The following KIRREL3 variants were observed in gnomAD, a reference collection of about 807,000 sequenced individuals.
KIRREL3 encodes kin of IRRE-like protein 3.
A neutral mutation model predicts 89.7 loss-of-function variants in KIRREL3; 36 were observed. The observed-to-expected ratio is 0.40, with a 90% CI of 0.31 to 0.53. The LOEUF (loss-of-function observed/expected upper bound fraction) is 0.53. Among genes scored for constraint, KIRREL3 ranks in the 20% least tolerant of loss-of-function variants. KIRREL3 has a pLI of 0.49. For missense variants in KIRREL3, 864 were observed against 1,056.6 expected, an observed-to-expected ratio of 0.82 and a Z score of 2.53; for synonymous variants, 445 against 441.4, an observed-to-expected ratio of 1.01 and a Z score of -0.10.
chr11:126,881,736 T>A (rs4589312), intron 1 of KIRREL3, among the ~76,000 whole-genome samples: 2 of 151,758 alleles, frequency 1.3e-5, no homozygotes, highest in Non-Finnish European at 2.9e-5. Context: ...TTAGTAGAGA[T>A]GGGGTTTCAC....
At chr11:126,884,335 T>C (rs1027832348) in intron 1 of KIRREL3, among the ~76,000 whole-genome samples, 7 of 152,202 alleles carry the variant, frequency 4.6e-5, no homozygotes, top group African/African-American at 1.4e-4. Flanking sequence ...TCGATGGGCC[T>C]CCCTAAGCCC....
chr11:126,969,237 C>G lies in KIRREL3; in HGVS notation c.55+31218G>C, dbSNP rs556209869. The stretch of plus-strand genomic sequence containing the variant: ...AGGGGCGATTCACTCCATTTACTGA[C>G]ACAATAGACATGGAGTGCCTCCCAT... On this transcript the variant is annotated intron_variant, in intron 1 of 16. Transcript: ENST00000525144. The surrounding 1 kb of genome is among the most constrained non-coding windows in gnomAD (Gnocchi z 4.9). 6.6e-6 allele frequency among the ~76,000 whole-genome samples: 1 copy of G among 152,238 alleles called. No homozygotes were observed. Among genetic ancestry groups the G allele is most frequent in the South Asian group, 2.1e-4 (1 of 4,826 alleles).
intron 1 of KIRREL3, among the ~76,000 whole-genome samples, chr11:126,591,194 C>G (rs1339152189): frequency 6.6e-6 from 1 of 152,154 alleles, no homozygotes; most frequent in East Asian, 1.9e-4. Context: ...CCACTGTACT[C>G]CAGCCTGGGT....
intron 1 of KIRREL3, among the ~76,000 whole-genome samples, chr11:126,679,081 G>A (rs1215850474): frequency 2.0e-5 from 3 of 152,198 alleles, no homozygotes; most frequent in Non-Finnish European, 4.4e-5. Flanking sequence ...GTCACATTAT[G>A]AGAACTTGCT....
chr11:126,672,485 T>A (rs993988319), intron 1 of KIRREL3, among the ~76,000 whole-genome samples: 2 of 152,190 alleles, frequency 1.3e-5, no homozygotes, highest in Admixed American at 6.5e-5. Context: ...AAAAAACATA[T>A]TGAATGATTC....
At position 126,946,266 on chromosome 11, in the gene KIRREL3, C is replaced by T. The variant is rs1461634102; in HGVS notation, c.55+54189G>A. On this transcript the variant is annotated intron_variant, in intron 1 of 16. Coordinates refer to ENST00000525144, the MANE Select transcript of KIRREL3 (RefSeq NM_032531.4). The surrounding 1 kb of genome is among the most constrained non-coding windows in gnomAD (Gnocchi z 4.1). ...AAATGAGTGGTCATGCCCCAGACTGCGGCCTCCAGACTCTGCTACTAGCCA... is the reference window on the plus strand; with the variant it reads ...AAATGAGTGGTCATGCCCCAGACTGTGGCCTCCAGACTCTGCTACTAGCCA... Among the ~76,000 whole-genome samples, 3 of 152,154 alleles carry T rather than the reference C, an allele frequency of 2.0e-5. No individual in the cohort carries two copies. The highest frequency in any genetic ancestry group is 2.4e-5 in the African/African-American group (1 of 41,434).
rs1473662964 is a variant in KIRREL3 at position 126,748,599 on chromosome 11, G to T, written c.56-185687C>A. On this transcript the variant is annotated intron_variant, in intron 1 of 16. Coordinates refer to ENST00000525144, the MANE Select transcript of KIRREL3 (RefSeq NM_032531.4). This position sits in a 1 kb window ranked among gnomAD's most constrained non-coding sequence, Gnocchi z 4.6. ...GGGCGGGGCAGGAAGGGAGGGAATCGTGTGCTGTGGCAGGAAAGAAGAGGC... is the reference window on the plus strand; with the variant it reads ...GGGCGGGGCAGGAAGGGAGGGAATCTTGTGCTGTGGCAGGAAAGAAGAGGC... Among the ~76,000 whole-genome samples the T allele has an allele frequency of 6.6e-6, 1 of 152,110 alleles. No homozygotes were observed. Among genetic ancestry groups the T allele is most frequent in the Non-Finnish European group, 1.5e-5 (1 of 68,026 alleles).
chr11:126,781,993 T>C (rs1408025704), intron 1 of KIRREL3, among the ~76,000 whole-genome samples: 3 of 152,204 alleles, frequency 2.0e-5, no homozygotes, highest in African/African-American at 7.2e-5. Flanking sequence ...AGTTAAGATT[T>C]TAAATAAAAA....
rs1013767372 is a variant in KIRREL3 at position 126,594,118 on chromosome 11, C to T, written c.56-31206G>A. The stretch of plus-strand genomic sequence containing the variant: ...CACAGTGTATCCTCCTCCCATCCTC[C>T]ACCCCTCCCTCCTGGTCACAGGTTC... On this transcript the variant is annotated intron_variant, in intron 1 of 16. Coordinates refer to ENST00000525144, the MANE Select transcript of KIRREL3 (RefSeq NM_032531.4). This position sits in a 1 kb window ranked among gnomAD's most constrained non-coding sequence, Gnocchi z 5.0. 1.3e-4 allele frequency among the ~76,000 whole-genome samples: 20 copies of T among 152,182 alleles called. No homozygotes were observed. Among genetic ancestry groups the T allele is most frequent in the South Asian group, 4.1e-4 (2 of 4,824 alleles).
At chr11:126,603,651 G>A (rs944599627) in intron 1 of KIRREL3, among the ~76,000 whole-genome samples, 4 of 152,252 alleles carry the variant, frequency 2.6e-5, no homozygotes, top group Non-Finnish European at 5.9e-5. Flanking sequence ...AGTGCCCAGC[G>A]CTGCTGCATC....
chr11:126,947,538 C>T (rs1014576363), intron 1 of KIRREL3, among the ~76,000 whole-genome samples: 6 of 152,146 alleles, frequency 3.9e-5, no homozygotes, highest in South Asian at 4.1e-4. Context: ...GATTTGACAG[C>T]GTAGCTAAAA....
In KIRREL3 at chr11:126,867,340, G is replaced by A. The variant is rs1203662845; in HGVS notation, c.55+133115C>T. Among the ~76,000 whole-genome samples, 2 of 151,956 alleles carry A rather than the reference G, an allele frequency of 1.3e-5. No homozygotes were observed. Among genetic ancestry groups the A allele is most frequent in the Non-Finnish European group, 2.9e-5 (2 of 67,964 alleles). ...TACCTGCACTCCAATGGGTCCAGGT[G>A]CCTCGAGGTTCTACACACGGCCTGC... On this transcript the variant is annotated intron_variant, in intron 1 of 16. Transcript: ENST00000525144. This position sits in a 1 kb window ranked among gnomAD's most constrained non-coding sequence, Gnocchi z 4.7.
At chr11:126,786,094 A>T (rs1373640078) in intron 1 of KIRREL3, among the ~76,000 whole-genome samples, 1 of 152,148 alleles carries the variant, frequency 6.6e-6, no homozygotes, top group African/African-American at 2.4e-5. Flanking sequence ...AACATTCAAC[A>T]GTTGAGAAAT....
chr11:126,923,264 C>T lies in KIRREL3; in HGVS notation c.55+77191G>A, dbSNP rs868117162. 3.4e-4 allele frequency among the ~76,000 whole-genome samples: 27 copies of T among 79,190 alleles called. 2 individuals are homozygous for T. The highest frequency in any genetic ancestry group is 4.5e-4 in the African/African-American group (7 of 15,698). The allele number at this position is 79,190 out of a possible 152,430, so 52.0% of individuals were successfully genotyped here. Reference sequence around the variant, plus strand: ...TCTTCTTCTTCTTCTTCTTCTTCTTCTTCTCCTTCTCCTTCTCCTTCTCCT... The same window carrying T: ...TCTTCTTCTTCTTCTTCTTCTTCTTTTTCTCCTTCTCCTTCTCCTTCTCCT... On this transcript the variant is annotated intron_variant, in intron 1 of 16. Transcript: ENST00000525144.
At position 126,535,986 on chromosome 11, in the gene KIRREL3, A is replaced by C. The variant is rs664206; in HGVS notation, c.134-9299T>G. ...GGGGACAGAGTGAGACTCCATCACA[A>C]AAAAAAAGATTTTGGTTGAATGAAT... On this transcript the variant is annotated intron_variant, in intron 2 of 16. Coordinates refer to ENST00000525144, the MANE Select transcript of KIRREL3 (RefSeq NM_032531.4). The surrounding 1 kb of genome is among the most constrained non-coding windows in gnomAD (Gnocchi z 4.5). Among the ~76,000 whole-genome samples, 65,143 of 145,900 alleles carry C rather than the reference A, an allele frequency of 0.45. 15,291 individuals are homozygous for C. Among genetic ancestry groups the C allele is most frequent in the East Asian group, 0.85 (4,174 of 4,894 alleles).
At chr11:126,690,311 C>T (rs1008903949) in intron 1 of KIRREL3, among the ~76,000 whole-genome samples, 11 of 152,006 alleles carry the variant, frequency 7.2e-5, no homozygotes, top group Admixed American at 5.9e-4. Flanking sequence ...AAATACTTAA[C>T]CATTTCTTTG....
chr11:126,456,314 T>G, intron 7 of KIRREL3, 35 bp downstream of exon 7: 1 of 1,434,798 alleles, frequency 7.0e-7, no homozygotes, highest in Non-Finnish European at 9.6e-7. Context: ...TGGGGGCCAG[T>G]GGCCAGGCCG....
chr11:126,797,399 G>C lies in KIRREL3; in HGVS notation c.55+203056C>G, dbSNP rs776138336. On this transcript the variant is annotated intron_variant, in intron 1 of 16. Coordinates refer to ENST00000525144, the MANE Select transcript of KIRREL3 (RefSeq NM_032531.4). The surrounding 1 kb of genome is among the most constrained non-coding windows in gnomAD (Gnocchi z 4.9). ...GGATGCTGATAGTTTTGGTGGCGCG[G>C]CTGTTATTGGTTGGAAGAATCTGCT... Among the ~76,000 whole-genome samples the C allele has an allele frequency of 7.2e-5, 11 of 152,132 alleles. No homozygotes were observed. The highest frequency in any genetic ancestry group is 2.6e-4 in the Admixed American group (4 of 15,270).
In KIRREL3 at chr11:126,990,457, C is replaced by G. The variant is rs772364114; in HGVS notation, c.55+9998G>C. On this transcript the variant is annotated intron_variant, in intron 1 of 16. Transcript: ENST00000525144. This position sits in a 1 kb window ranked among gnomAD's most constrained non-coding sequence, Gnocchi z 6.3. The stretch of plus-strand genomic sequence containing the variant: ...ATCCCTCCCGTCCCTTCCCAGCTCC[C>G]GGCAGCCACTAGGCTTTCCCCTTCC... 1.5e-4 allele frequency among the ~76,000 whole-genome samples: 23 copies of G among 152,156 alleles called. No individual in the cohort carries two copies. Among genetic ancestry groups the G allele is most frequent in the Non-Finnish European group, 2.6e-4 (18 of 68,024 alleles).
Sources: allele counts gnomAD v4.1 joint callset (sites outside exome capture counted in the v4.1 genomes callset), GRCh38; gene constraint gnomAD v4.1.1; non-coding constraint Gnocchi (gnomAD v3.1); transcripts MANE v1.5; gene names NCBI Gene and HGNC (gene_info 2026-07-23, HGNC 2026-07-21).